The following CFAP95 variants were observed in gnomAD, a reference collection of about 807,000 sequenced individuals.
CFAP95 encodes the protein cilia- and flagella-associated protein 95.
At chr9:69,853,014 C>G in the CFAP95 span, among the ~76,000 whole-genome samples, 5 of 152,310 alleles carry the variant, frequency 3.3e-5, no homozygotes, top group Admixed American at 3.3e-4. Context: ...GTAAATTACC[C>G]AGTCTTGGGT....
chr9:69,905,105 C>A, the CFAP95 span, among the ~76,000 whole-genome samples: 1 of 152,062 alleles, frequency 6.6e-6, no homozygotes, highest in African/African-American at 2.4e-5. Flanking sequence ...TGTGCCTAAC[C>A]CATAATAGGC....
the CFAP95 span, among the ~76,000 whole-genome samples, chr9:69,864,315 G>A: frequency 2.0e-5 from 3 of 152,008 alleles, no homozygotes; most frequent in African/African-American, 7.3e-5. Context: ...GTGTGTGTAT[G>A]TGCATGTGTG....
the CFAP95 span, among the ~76,000 whole-genome samples, chr9:69,834,189 T>G: frequency 1.3e-5 from 2 of 152,180 alleles, no homozygotes; most frequent in Non-Finnish European, 2.9e-5. Context: ...TAATTACTAA[T>G]GTACAGTGCC....
At chr9:69,852,992 C>A in the CFAP95 span, among the ~76,000 whole-genome samples, 1 of 152,164 alleles carries the variant, frequency 6.6e-6, no homozygotes, top group Non-Finnish European at 1.5e-5. Context: ...ATCCATTAAA[C>A]CTCTTTCTTC....
the CFAP95 span, chr9:69,821,176 G>A: frequency 3.5e-6 from 3 of 865,390 alleles, no homozygotes; most frequent in Non-Finnish European, 5.0e-6. Context: ...GAGAAAAGTG[G>A]GGGAGAAATG....
the CFAP95 span, among the ~76,000 whole-genome samples, chr9:69,891,249 C>T: frequency 6.6e-6 from 1 of 152,126 alleles, no homozygotes; most frequent in Admixed American, 6.5e-5. Flanking sequence ...ATTGCCTGTC[C>T]TACTACTGGG....
the CFAP95 span, among the ~76,000 whole-genome samples, chr9:69,843,591 C>T: frequency 1.5e-5 from 1 of 65,702 alleles, no homozygotes; most frequent in Non-Finnish European, 2.7e-5. Flanking sequence ...TCTTCTTCTT[C>T]TTCTTCTTCT....
the CFAP95 span, among the ~76,000 whole-genome samples, chr9:69,899,821 G>A: frequency 1.3e-5 from 2 of 152,296 alleles, no homozygotes; most frequent in East Asian, 1.9e-4. Flanking sequence ...AGACAGCATG[G>A]CACAACTCAC....
At chr9:69,897,854 A>G in the CFAP95 span, among the ~76,000 whole-genome samples, 14 of 152,182 alleles carry the variant, frequency 9.2e-5, no homozygotes, top group Admixed American at 6.5e-4. Context: ...ACTCACTAGG[A>G]GGACCCTCCT....
the CFAP95 span, chr9:69,820,856 G>A: frequency 2.5e-6 from 4 of 1,612,176 alleles, no homozygotes; most frequent in African/African-American, 4.0e-5. Context: ...GAACTCCTCA[G>A]AGGTCTGTAC....
the CFAP95 span, among the ~76,000 whole-genome samples, chr9:69,841,164 T>TTTTA: frequency 3.1e-3 from 174 of 56,062 alleles, 9 homozygotes; most frequent in African/African-American, 7.3e-3. Flanking sequence ...CCAAGCTGGA[T>TTTTA]TATATATATA....
the CFAP95 span, among the ~76,000 whole-genome samples, chr9:69,871,845 A>T: frequency 6.6e-6 from 1 of 152,184 alleles, no homozygotes; most frequent in East Asian, 1.9e-4. Context: ...CTTTCACTCC[A>T]TTCTCCAACC....
the CFAP95 span, among the ~76,000 whole-genome samples, chr9:69,832,620 ATTTTTTTT>A: frequency 3.5e-4 from 4 of 11,350 alleles, no homozygotes; most frequent in Admixed American, 3.6e-3. Context: ...GTCTATTCGG[ATTTTTTTT>A]TTTTTTTTTT....
the CFAP95 span, among the ~76,000 whole-genome samples, chr9:69,897,485 G>A: frequency 4.6e-5 from 7 of 152,232 alleles, no homozygotes; most frequent in African/African-American, 7.2e-5. Context: ...GAGTTACTAC[G>A]TTCCAGAAGG....
the CFAP95 span, chr9:69,906,193 G>T: frequency 2.2e-6 from 3 of 1,376,106 alleles, no homozygotes; most frequent in Admixed American, 2.3e-5. Flanking sequence ...AGCAGTTGAT[G>T]ATTTTCTATC....
chr9:69,904,016 G>T, the CFAP95 span, among the ~76,000 whole-genome samples: 1 of 152,112 alleles, frequency 6.6e-6, no homozygotes, highest in African/African-American at 2.4e-5. Context: ...GAGCCTCTGT[G>T]CCCGGCCCAT....
chr9:69,879,499 A>G, the CFAP95 span, among the ~76,000 whole-genome samples: 5 of 152,134 alleles, frequency 3.3e-5, no homozygotes, highest in Non-Finnish European at 7.3e-5. Flanking sequence ...AGCTATACGT[A>G]TTTATGAGGG....
At chr9:69,865,174 G>A in the CFAP95 span, among the ~76,000 whole-genome samples, 1 of 152,036 alleles carries the variant, frequency 6.6e-6, no homozygotes, top group Non-Finnish European at 1.5e-5. Context: ...CTCTCCTGCT[G>A]CCCTCTAAAG....
the CFAP95 span, among the ~76,000 whole-genome samples, chr9:69,833,982 A>G: frequency 6.6e-6 from 1 of 152,232 alleles, no homozygotes; most frequent in Non-Finnish European, 1.5e-5. Flanking sequence ...TTTAAAATAG[A>G]TCTTAAGGTG....
Sources: allele counts gnomAD v4.1 joint callset (sites outside exome capture counted in the v4.1 genomes callset), GRCh38; gene constraint gnomAD v4.1.1; transcripts MANE v1.5; gene names NCBI Gene and HGNC (gene_info 2026-07-23, HGNC 2026-07-21).